Variants in AGBL4 observed in about 807,000 individuals in gnomAD.
The protein encoded by AGBL4 is AGBL carboxypeptidase 4.
AGBL4 carries 58 observed loss-of-function variants against 66.4 expected under a neutral mutation model. The ratio of observed to expected loss-of-function variants is 0.87; its 90% CI spans 0.71 to 1.09. The LOEUF is 1.09. Among genes scored for constraint, AGBL4 ranks in the 50% least tolerant of loss-of-function variants. The probability of loss-of-function intolerance (pLI) is 0.00; values close to 1 mark genes in which losing one functional copy is unlikely to be tolerated. For synonymous variants in AGBL4, 234 were observed against 222.9 expected (o/e 1.05, Z -0.44); for missense variants, 579 against 631.0 (o/e 0.92, Z 0.88).
intron 5 of AGBL4, among the ~76,000 whole-genome samples, chr1:48,917,552 C>G (rs1653694072): frequency 6.6e-6 from 1 of 152,182 alleles, no homozygotes; most frequent in Non-Finnish European, 1.5e-5. Context: ...AGATATGCCA[C>G]AATCCTTTTG....
chr1:49,846,349 C>A, intron 2 of AGBL4: 2 of 1,538,334 alleles, frequency 1.3e-6, no homozygotes, highest in Non-Finnish European at 1.8e-6. Flanking sequence ...ATGGAAAGAC[C>A]TTTACACACA....
At chr1:48,964,447 A>G (rs1158057551) in intron 5 of AGBL4, among the ~76,000 whole-genome samples, 3 of 152,388 alleles carry the variant, frequency 2.0e-5, no homozygotes, top group East Asian at 1.9e-4. Context: ...CCACAGGATT[A>G]CTATGAGCAT....
At chr1:48,689,853 C>T (rs375494436) in intron 6 of AGBL4, among the ~76,000 whole-genome samples, 2 of 152,104 alleles carry the variant, frequency 1.3e-5, no homozygotes, top group Admixed American at 1.3e-4. Context: ...TGCAGTAAGC[C>T]GAGATTGTGT....
chr1:49,819,318 T>C (rs1571634340), intron 2 of AGBL4, among the ~76,000 whole-genome samples: 1 of 152,224 alleles, frequency 6.6e-6, no homozygotes. Flanking sequence ...TACTGAGACA[T>C]TTCTCTCTTG....
chr1:49,764,716 C>T (rs532111754), intron 2 of AGBL4, among the ~76,000 whole-genome samples: 27 of 152,234 alleles, frequency 1.8e-4, no homozygotes, highest in African/African-American at 5.5e-4. Flanking sequence ...AAAAATGAAA[C>T]TACTCTCTTT....
chr1:49,960,158 T>G (rs1657000685), intron 1 of AGBL4, among the ~76,000 whole-genome samples: 3 of 152,134 alleles, frequency 2.0e-5, no homozygotes, highest in African/African-American at 7.2e-5. Flanking sequence ...CATGTACCCC[T>G]GAACCTAAAA....
At chr1:48,598,779 T>G (rs1220098334) in intron 9 of AGBL4, among the ~76,000 whole-genome samples, 1 of 151,996 alleles carries the variant, frequency 6.6e-6, no homozygotes. Flanking sequence ...CCTGGCCTCA[T>G]TAAATTTATT....
chr1:49,288,800 A>C (rs1370423154), intron 3 of AGBL4, among the ~76,000 whole-genome samples: 1 of 152,218 alleles, frequency 6.6e-6, no homozygotes, highest in African/African-American at 2.4e-5. Context: ...AGGGCAAGCC[A>C]AACATATACC....
At chr1:48,590,122 C>T (rs570937513) in intron 10 of AGBL4, among the ~76,000 whole-genome samples, 5 of 152,122 alleles carry the variant, frequency 3.3e-5, no homozygotes, top group South Asian at 2.1e-4. Flanking sequence ...TAGCCAGTAG[C>T]GGCCAGGCGC....
intron 1 of AGBL4, among the ~76,000 whole-genome samples, chr1:49,906,353 T>C (rs1650274366): frequency 6.6e-6 from 1 of 152,098 alleles, no homozygotes; most frequent in Non-Finnish European, 1.5e-5. Flanking sequence ...GAAGAACCCT[T>C]AGAGATAATC....
Position 49,697,306 on chromosome 1 carries a change from C to T in AGBL4, c.282+7G>A, listed in dbSNP as rs897258395. ...ACCACTCTGAAGGTATCCACTATTT[C>T]CCTCACCTGTGATTCTTTCACATTT... On this transcript the variant is annotated splice_region_variant and intron_variant, in intron 3 of 13. Transcript: ENST00000371839. 55 of 1,544,580 alleles carry T rather than the reference C, an allele frequency of 3.6e-5. No individual in the cohort carries two copies. The Admixed American group carries it at 1.0e-3, about 29-fold the overall frequency.
At chr1:49,611,374 CTTTTTT>C (rs35960918) in intron 3 of AGBL4, among the ~76,000 whole-genome samples, 1 of 117,846 alleles carries the variant, frequency 8.5e-6, no homozygotes, top group Non-Finnish European at 1.7e-5. Flanking sequence ...CAACCATATT[CTTTTTT>C]TTTTTTTTTT....
At chr1:49,970,268 A>G (rs1657942493) in intron 1 of AGBL4, among the ~76,000 whole-genome samples, 1 of 152,174 alleles carries the variant, frequency 6.6e-6, no homozygotes, top group African/African-American at 2.4e-5. Context: ...ATAAAACCAA[A>G]AAGCTCCTGA....
At chr1:49,938,075 T>C (rs1557598457) in intron 1 of AGBL4, among the ~76,000 whole-genome samples, 1 of 148,418 alleles carries the variant, frequency 6.7e-6, no homozygotes, top group Non-Finnish European at 1.5e-5. Context: ...TTTGAAAGGA[T>C]CAACAAAAGT....
intron 3 of AGBL4, among the ~76,000 whole-genome samples, chr1:49,365,878 T>G (rs572249430): frequency 1.3e-5 from 2 of 152,272 alleles, no homozygotes; most frequent in African/African-American, 4.8e-5. Flanking sequence ...AGAAAGTTAC[T>G]GAACCTCTTT....
At chr1:48,532,234 C>A (rs1308519030), downstream of AGBL4, among the ~76,000 whole-genome samples, 1 of 152,218 alleles carries the variant, frequency 6.6e-6, no homozygotes, top group African/African-American at 2.4e-5. Flanking sequence ...ACATTTTCCA[C>A]ACGTAAGTTC....
intron 2 of AGBL4, among the ~76,000 whole-genome samples, chr1:49,706,524 A>G (rs893345464): frequency 6.6e-6 from 1 of 152,004 alleles, no homozygotes; most frequent in Admixed American, 6.6e-5. Context: ...GATTTTTTGA[A>G]GGGTTTTTCA....
At chr1:48,595,904 C>G (rs1423858722) in intron 9 of AGBL4, among the ~76,000 whole-genome samples, 2 of 152,322 alleles carry the variant, frequency 1.3e-5, no homozygotes, top group Admixed American at 6.5e-5. Flanking sequence ...AAGGAAGGAC[C>G]ATCCAGGGCA....
Position 48,667,459 on chromosome 1 carries a change from T to C in AGBL4, c.635-4218A>G, listed in dbSNP as rs942325796. On this transcript the variant is annotated intron_variant, in intron 6 of 13. Transcript: ENST00000371839. ...GTGCATTTGGAAGAGGATCCTGCAG[T>C]GTCCAGTGACTATAGCCCTGACTGA... is the stretch of plus-strand genomic sequence containing the variant. 7.9e-5 allele frequency among the ~76,000 whole-genome samples: 12 copies of C among 152,206 alleles called. 1 individual carries two copies. Among genetic ancestry groups the C allele is most frequent in the African/African-American group, 2.9e-4 (12 of 41,462 alleles).
Sources: allele counts gnomAD v4.1 joint callset (sites outside exome capture counted in the v4.1 genomes callset), GRCh38; gene constraint gnomAD v4.1.1; transcripts MANE v1.5; gene names NCBI Gene and HGNC (gene_info 2026-07-23, HGNC 2026-07-21).